MUC13: variants seen among roughly 807,000 people sequenced by gnomAD.
MUC13 encodes the protein mucin 13, cell surface associated, also known as mucin-13.
MUC13 carries 32 observed loss-of-function variants against 48.3 expected under a neutral mutation model. That is an observed-to-expected ratio of 0.66 (90% CI 0.50 to 0.89). MUC13 has a LOEUF of 0.89. Among genes scored for constraint, MUC13 ranks in the 40% least tolerant of loss-of-function variants. The pLI, the probability that MUC13 is intolerant of heterozygous loss-of-function variation, is 0.00. For missense variants in MUC13, 571 were observed against 622.8 expected (o/e 0.92, Z 0.88); for synonymous variants, 199 against 224.9 (o/e 0.88, Z 1.03).
At chr3:124,915,746 C>T (rs1010362802) in intron 6 of MUC13, among the ~76,000 whole-genome samples, 3 of 152,138 alleles carry the variant, frequency 2.0e-5, no homozygotes, top group South Asian at 2.1e-4. Context: ...AGTGTGGTGT[C>T]GTGATCTCAG....
chr3:124,910,376 A>C, intron 10 of MUC13, 39 bp downstream of exon 10: 1 of 320,228 alleles, frequency 3.1e-6, no homozygotes, highest in African/African-American at 2.5e-5. Context: ...ATCTCTCTAT[A>C]AAAAAAAAAA....
At chr3:124,923,758 T>G in intron 2 of MUC13, 109 bp from the exon 3 acceptor site, 1 of 1,075,886 alleles carries the variant, frequency 9.3e-7, no homozygotes, top group East Asian at 2.5e-5. Flanking sequence ...TTCCATTCCT[T>G]GCTTGTGTTA....
intron 2 of MUC13, among the ~76,000 whole-genome samples, chr3:124,926,526 G>C (rs1935690827): frequency 1.3e-5 from 2 of 152,162 alleles, no homozygotes; most frequent in Admixed American, 6.5e-5. Flanking sequence ...GGGTCTACTT[G>C]CTTAACCATC....
At chr3:124,918,198 C>T (rs1457780006) in intron 5 of MUC13, among the ~76,000 whole-genome samples, 1 of 151,978 alleles carries the variant, frequency 6.6e-6, no homozygotes, top group East Asian at 1.9e-4. Flanking sequence ...AGGGGAGAGA[C>T]AATTTGGGGC....
At chr3:124,918,293 T>C (rs1304315792) in intron 5 of MUC13, among the ~76,000 whole-genome samples, 2 of 152,106 alleles carry the variant, frequency 1.3e-5, no homozygotes. Context: ...CCAGGTGCAT[T>C]TGCCCTGCAC....
Position 124,934,745 on chromosome 3 carries a change from A to T in MUC13, c.-33T>A. 1.9e-6 allele frequency: 3 copies of T among 1,550,164 alleles called. No homozygotes were observed. Among genetic ancestry groups the T allele is most frequent in the Non-Finnish European group, 2.7e-6 (3 of 1,122,894 alleles). On this transcript the variant is annotated 5_prime_UTR_variant, in exon 1 of 12. Coordinates refer to ENST00000616727, the MANE Select transcript of MUC13 (RefSeq NM_033049.4). ...GTTCTTGCTTGGTAATCTGAGGAGG[A>T]AATGATTTCCCTTCCTGGCTACCTT...
Position 124,927,723 on chromosome 3 carries a change from G to A in MUC13, c.323C>T (p.Ser108Leu). Reference sequence around the variant, plus strand: ...AGCTAATGAATTTACATTTGTGGTTGACTCACTGTCTGCAGCAGTAGGTAT... The same window carrying A: ...AGCTAATGAATTTACATTTGTGGTTAACTCACTGTCTGCAGCAGTAGGTAT... ...IPIPTAADSESTTNVNSLATS... is the reference protein window; with the variant it reads ...IPIPTAADSELTTNVNSLATS... Residue 108 changes from serine (S) to leucine (L), a missense_variant, in exon 2 of 12, where the codon TCA becomes TTA. Coordinates refer to ENST00000616727, the MANE Select transcript of MUC13 (RefSeq NM_033049.4). The A allele has an allele frequency of 6.2e-7, 1 of 1,614,220 alleles. No homozygotes were observed. Among genetic ancestry groups the A allele is most frequent in the Non-Finnish European group, 8.5e-7 (1 of 1,180,044 alleles).
chr3:124,934,385 C>A (rs1935848870), intron 1 of MUC13, among the ~76,000 whole-genome samples: 1 of 152,190 alleles, frequency 6.6e-6, no homozygotes, highest in Non-Finnish European at 1.5e-5. Context: ...GTTTCAAACT[C>A]CTGACCTCAA....
intron 2 of MUC13, 95 bp downstream of exon 2, chr3:124,927,437 G>T: frequency 8.3e-7 from 1 of 1,204,528 alleles, no homozygotes; most frequent in Non-Finnish European, 1.2e-6. Context: ...GGCCTCTTTA[G>T]ACCCATTTTC....
intron 5 of MUC13, 164 bp downstream of exon 5, chr3:124,920,070 C>T: frequency 1.4e-6 from 1 of 700,980 alleles, no homozygotes; most frequent in South Asian, 1.8e-5. Flanking sequence ...AGAGGCAGGG[C>T]CAAGGCACAC....
chr3:124,912,351 C>A, intron 8 of MUC13: 1 of 650,628 alleles, frequency 1.5e-6, no homozygotes, highest in Non-Finnish European at 2.6e-6. Flanking sequence ...GGGGGGTACG[C>A]AATCTCATGC....
At chr3:124,931,430 C>CAA (rs777579637) in intron 1 of MUC13, among the ~76,000 whole-genome samples, 15 of 85,874 alleles carry the variant, frequency 1.7e-4, no homozygotes, top group Non-Finnish European at 2.5e-4. Context: ...GACTCTGTCT[C>CAA]AAAAAAAAAA....
At chr3:124,928,741 C>T (rs1012314883) in intron 1 of MUC13, among the ~76,000 whole-genome samples, 1 of 152,140 alleles carries the variant, frequency 6.6e-6, no homozygotes, top group African/African-American at 2.4e-5. Flanking sequence ...CCTGTAGTCA[C>T]GTAACTGTAG....
intron 6 of MUC13, among the ~76,000 whole-genome samples, chr3:124,914,946 GCAAACACTTAA>G (rs1935486448): frequency 1.3e-5 from 2 of 151,982 alleles, no homozygotes; most frequent in African/African-American, 4.8e-5. Flanking sequence ...AAACAAAAAA[GCAAACACTTAA>G]GAGATGAAGA....
Position 124,923,908 on chromosome 3 carries a change from CAAAG to C in MUC13, c.515-263_515-260del, listed in dbSNP as rs1364287021. Among the ~76,000 whole-genome samples, 5 of 152,180 alleles carry C rather than the reference CAAAG, an allele frequency of 3.3e-5. No individual in the cohort carries two copies. The East Asian group carries it at 7.7e-4, about 24-fold the overall frequency. Reference sequence around the variant, plus strand: ...AGAGATTAGTGTACAAGGGCTTGCCCAAAGAAAGAGAGATTGCAGTCTTCTGACT... The same window carrying C: ...AGAGATTAGTGTACAAGGGCTTGCCCAAAGAGAGATTGCAGTCTTCTGACT... On this transcript the variant is annotated intron_variant, in intron 2 of 11. Coordinates refer to ENST00000616727, the MANE Select transcript of MUC13 (RefSeq NM_033049.4).
At chr3:124,920,358 G>A in intron 4 of MUC13, 69 bp from the exon 5 acceptor site, 7 of 1,233,126 alleles carry the variant, frequency 5.7e-6, no homozygotes, top group Admixed American at 4.4e-5. Flanking sequence ...CAAATCAAAT[G>A]AGGCAGAAAA....
intron 10 of MUC13, among the ~76,000 whole-genome samples, chr3:124,909,656 C>A (rs1010210865): frequency 1.3e-5 from 2 of 152,016 alleles, no homozygotes; most frequent in Non-Finnish European, 1.5e-5. Context: ...GGTGCCACCA[C>A]CATGCCCGGC....
chr3:124,915,934 T>C (rs1254105696), intron 6 of MUC13, among the ~76,000 whole-genome samples: 1 of 152,188 alleles, frequency 6.6e-6, no homozygotes, highest in Non-Finnish European at 1.5e-5. Flanking sequence ...CATCTCAGCC[T>C]TCCAAAGTGT....
At chr3:124,924,228 C>G (rs1336805856) in intron 2 of MUC13, among the ~76,000 whole-genome samples, 1 of 152,206 alleles carries the variant, frequency 6.6e-6, no homozygotes, top group Non-Finnish European at 1.5e-5. Context: ...AGAAGACATT[C>G]CAGCCTCTGG....
Sources: gnomAD v4.1 joint callset for allele counts (sites outside exome capture counted in the v4.1 genomes callset) on GRCh38, gnomAD v4.1.1 for gene constraint, MANE v1.5 for transcripts, NCBI Gene and HGNC (gene_info 2026-07-23, HGNC 2026-07-21) for gene names.